Variants in UBAP2 observed in about 807,000 individuals in gnomAD.
UBAP2 encodes ubiquitin-associated protein 2.
A neutral mutation model predicts 139.6 loss-of-function variants in UBAP2; 75 were observed. The ratio of observed to expected loss-of-function variants is 0.54; its 90% CI spans 0.45 to 0.65. UBAP2 has a LOEUF of 0.65. Ranked by LOEUF, UBAP2 falls within the 30% of genes least tolerant of loss-of-function variation. The pLI is 0.00. For synonymous variants in UBAP2, 526 were observed against 526.2 expected, an observed-to-expected ratio of 1.00 and a Z score of 0.01; for missense variants, 1,368 against 1,369.6, an observed-to-expected ratio of 1.00 and a Z score of 0.02.
At chr9:33,958,641 C>A (rs867487540) in intron 10 of UBAP2, among the ~76,000 whole-genome samples, 1 of 149,566 alleles carries the variant, frequency 6.7e-6, no homozygotes, top group African/African-American at 2.5e-5. Flanking sequence ...CTCCTGACCT[C>A]AGGTGATCCG....
Position 33,922,523 on chromosome 9 carries a change from G to C in UBAP2, c.3341C>G (p.Ser1114Cys). 1 of 1,614,008 alleles carries C rather than the reference G, an allele frequency of 6.2e-7. No homozygotes were observed. Among genetic ancestry groups the C allele is most frequent in the Non-Finnish European group, 8.5e-7 (1 of 1,179,994 alleles). Reference protein sequence around the residue: ...SQASKPAYGNSPYWTN With the variant: ...SQASKPAYGNCPYWTN ...CTGGGTTTAGTTTGTCCAGTATGGA[G>C]AGTTGCCGTAGGCAGGTTTGGAGGC... The change falls in exon 29 of 29, where the codon TCT becomes TGT. Residue 1114 changes from serine (S) to cysteine (C), a missense_variant. Transcript: ENST00000379238.
intron 1 of UBAP2, among the ~76,000 whole-genome samples, chr9:34,043,516 A>G (rs557129460): frequency 7.2e-5 from 11 of 151,916 alleles, no homozygotes; most frequent in Admixed American, 2.0e-4. Flanking sequence ...GTATGATCCT[A>G]TTATTTATGG....
chr9:33,971,510 G>C, intron 8 of UBAP2, 141 bp downstream of exon 8: 1 of 599,834 alleles, frequency 1.7e-6, no homozygotes, highest in Non-Finnish European at 3.0e-6. Flanking sequence ...AACCAACTAA[G>C]AATAGTTTCA....
At chr9:34,009,555 C>T (rs1342926845) in intron 2 of UBAP2, among the ~76,000 whole-genome samples, 4 of 151,854 alleles carry the variant, frequency 2.6e-5, no homozygotes, top group African/African-American at 4.8e-5. Flanking sequence ...CCACCATGTC[C>T]CGGTTCAAAA....
intron 1 of UBAP2, among the ~76,000 whole-genome samples, chr9:34,046,771 T>C (rs1339178476): frequency 6.6e-6 from 1 of 151,272 alleles, no homozygotes; most frequent in African/African-American, 2.4e-5. Flanking sequence ...CCAGTTCCCA[T>C]CACAATACAA....
At chr9:34,047,214 T>C (rs1827680079) in intron 1 of UBAP2, among the ~76,000 whole-genome samples, 1 of 152,046 alleles carries the variant, frequency 6.6e-6, no homozygotes, top group Non-Finnish European at 1.5e-5. Flanking sequence ...TGTGGGAAAA[T>C]CTCTCGTCAC....
At chr9:33,937,641 C>A (rs984695392) in intron 16 of UBAP2, among the ~76,000 whole-genome samples, 1 of 148,128 alleles carries the variant, frequency 6.8e-6, no homozygotes, top group Non-Finnish European at 1.5e-5. Flanking sequence ...GGCACAATGG[C>A]TCATGCCTGT....
intron 20 of UBAP2, among the ~76,000 whole-genome samples, chr9:33,927,490 C>G (rs1823550028): frequency 6.6e-6 from 1 of 152,186 alleles, no homozygotes; most frequent in East Asian, 1.9e-4. Flanking sequence ...TACAGACAGC[C>G]TAGGTCTGCA....
intron 1 of UBAP2, among the ~76,000 whole-genome samples, chr9:34,020,884 G>C (rs981247757): frequency 3.3e-5 from 5 of 151,046 alleles, no homozygotes; most frequent in African/African-American, 1.2e-4. Context: ...GGATGGTCGC[G>C]ATCTCCTGAC....
rs1358102716 is a variant in UBAP2 at position 33,981,219 on chromosome 9, TA to T, written c.520+5540del. On this transcript the variant is annotated intron_variant, in intron 6 of 28. Coordinates refer to ENST00000379238, the MANE Select transcript of UBAP2 (RefSeq NM_001370062.2). ...TATATATTCTGGATATATATATATA[TA>T]TTCTGGATATATATATATATTCTGG... Among the ~76,000 whole-genome samples the T allele has an allele frequency of 1.3e-4, 11 of 84,082 alleles. 2 individuals are homozygous for T. Among genetic ancestry groups the T allele is most frequent in the Non-Finnish European group, 2.0e-4 (9 of 45,992 alleles). The allele number at this position is 84,082 out of a possible 152,430, so 55.2% of individuals were successfully genotyped here. A position where few individuals can be genotyped will look rare whatever the true frequency, so the allele number is the denominator to read the frequency against.
intron 1 of UBAP2, among the ~76,000 whole-genome samples, chr9:34,046,643 CAA>C (rs59971755): frequency 2.1e-3 from 254 of 122,160 alleles, no homozygotes; most frequent in African/African-American, 7.5e-3. Flanking sequence ...GACTCCATCT[CAA>C]AAAAAAAAAA....
At chr9:33,935,734 G>C in intron 17 of UBAP2, 105 bp downstream of exon 17, 1 of 1,340,940 alleles carries the variant, frequency 7.5e-7, no homozygotes, top group East Asian at 2.3e-5. Context: ...GCTTTTTAAC[G>C]AATAAGCCAT....
At chr9:33,953,535 T>C in intron 11 of UBAP2, 61 bp from the exon 12 acceptor site, 1 of 1,504,476 alleles carries the variant, frequency 6.6e-7, no homozygotes, top group Non-Finnish European at 9.1e-7. Flanking sequence ...CAAATGAATG[T>C]GAGAAGTCAA....
chr9:34,008,453 T>C (rs1434763239), intron 2 of UBAP2, among the ~76,000 whole-genome samples: 3 of 151,882 alleles, frequency 2.0e-5, no homozygotes, highest in Admixed American at 2.0e-4. Flanking sequence ...AGTCAAAAAC[T>C]CTGTCATCAG....
chr9:34,006,342 ATCAACAAACTTG>A (rs1234965519), intron 2 of UBAP2, among the ~76,000 whole-genome samples: 1 of 152,168 alleles, frequency 6.6e-6, no homozygotes, highest in Admixed American at 6.6e-5. Flanking sequence ...AAATTAGAAT[ATCAACAAACTTG>A]TCAAGAGCAA....
chr9:34,019,725 G>GCA (rs1824742565), intron 1 of UBAP2, among the ~76,000 whole-genome samples: 1 of 116,470 alleles, frequency 8.6e-6, no homozygotes, highest in African/African-American at 3.3e-5. Context: ...ACACACACAC[G>GCA]CACAGAAAAA....
chr9:33,990,120 T>C (rs1821573263), intron 4 of UBAP2, among the ~76,000 whole-genome samples: 1 of 152,100 alleles, frequency 6.6e-6, no homozygotes, highest in Admixed American at 6.6e-5. Flanking sequence ...TATAAGTGGA[T>C]ATAAAAATTA....
intron 3 of UBAP2, chr9:33,998,535 G>C: frequency 2.7e-6 from 1 of 370,462 alleles, no homozygotes; most frequent in Non-Finnish European, 4.9e-6. Context: ...GAAATGTCTG[G>C]TTCAATGTTC....
intron 17 of UBAP2, among the ~76,000 whole-genome samples, chr9:33,934,674 C>T (rs2130893478): frequency 6.6e-6 from 1 of 152,190 alleles, no homozygotes; most frequent in South Asian, 2.1e-4. Flanking sequence ...CTCAAACAAA[C>T]AAACAAAATG....
Sources: gnomAD v4.1 joint callset for allele counts (sites outside exome capture counted in the v4.1 genomes callset) on GRCh38, gnomAD v4.1.1 for gene constraint, MANE v1.5 for transcripts, NCBI Gene and HGNC (gene_info 2026-07-23, HGNC 2026-07-21) for gene names.